Variants in JAKMIP1 observed in about 807,000 individuals in gnomAD.
JAKMIP1 encodes the protein janus kinase and microtubule interacting protein 1.
JAKMIP1 carries 33 observed loss-of-function variants against 113.0 expected under a neutral mutation model. The ratio of observed to expected loss-of-function variants is 0.29; its 90% confidence interval spans 0.22 to 0.39. JAKMIP1 has a LOEUF of 0.39. Among genes scored for constraint, JAKMIP1 ranks in the 10% least tolerant of loss-of-function variants. The pLI is 1.00. For synonymous variants in JAKMIP1, 480 were observed against 459.9 expected, an observed-to-expected ratio of 1.04 and a Z score of -0.56; for missense variants, 813 against 1,080.5, an observed-to-expected ratio of 0.75 and a Z score of 3.47.
rs1424384045 is a variant in JAKMIP1 at position 6,067,662 on chromosome 4, A to AC, written c.1303-2655dup. ...TCTTCTGCACACACACACACAGGTCACCCCCTGAGCTCCAGGTTCACTCAA... is the reference window on the plus strand; with the variant it reads ...TCTTCTGCACACACACACACAGGTCACCCCCCTGAGCTCCAGGTTCACTCAA... On this transcript the variant is annotated intron_variant, in intron 8 of 20. Coordinates refer to ENST00000409021, the MANE Select transcript of JAKMIP1 (RefSeq NM_001099433.2). The surrounding 1 kb of genome is among the most constrained non-coding windows in gnomAD (Gnocchi z 4.6). Among the ~76,000 whole-genome samples, 707 of 94,386 alleles carry AC rather than the reference A, an allele frequency of 7.5e-3. No individual in the cohort carries two copies. The highest frequency in any genetic ancestry group is 9.9e-3 in the African/African-American group (242 of 24,530). 61.9% of individuals were successfully genotyped at this position (94,386 alleles called of 152,430 possible). A position where few individuals can be genotyped will look rare whatever the true frequency, so the allele number is the denominator to read the frequency against.
Position 6,064,248 on chromosome 4 carries a change from T to C in JAKMIP1, c.1431+632A>G, listed in dbSNP as rs11943370. Among the ~76,000 whole-genome samples the C allele has an allele frequency of 0.18, 27,028 of 152,216 alleles. 3,407 individuals carry two copies. The highest frequency in any genetic ancestry group is 0.35 in the African/African-American group (14,681 of 41,506). On this transcript the variant is annotated intron_variant, in intron 9 of 20. Transcript: ENST00000409021. The surrounding 1 kb of genome is among the most constrained non-coding windows in gnomAD (Gnocchi z 4.3). The stretch of plus-strand genomic sequence containing the variant: ...CCCACAAGGTCTGCCTGAGATGTAA[T>C]CAGCACTCCTGAAAGAATTCACCTG...
intron 12 of JAKMIP1, chr4:6,054,627 G>A: frequency 2.5e-6 from 1 of 406,510 alleles, no homozygotes. Flanking sequence ...AGAGCTTGCA[G>A]AAGAAGCCGT....
rs1716903203 is a variant in JAKMIP1 at position 6,059,192 on chromosome 4, G to A, written c.1644+1232C>T. Among the ~76,000 whole-genome samples the A allele has an allele frequency of 6.6e-6, 1 of 152,160 alleles. No homozygotes were observed. Among genetic ancestry groups the A allele is most frequent in the African/African-American group, 2.4e-5 (1 of 41,444 alleles). ...TTTAGAGAAGCCATTCCAGAGGGCT[G>A]GGCACTCACATTCCCCCACGCAGTC... On this transcript the variant is annotated intron_variant, in intron 11 of 20. Transcript: ENST00000409021. The surrounding 1 kb of genome is among the most constrained non-coding windows in gnomAD (Gnocchi z 4.8).
chr4:6,122,135 A>G (rs184106631), intron 1 of JAKMIP1, among the ~76,000 whole-genome samples: 46 of 152,300 alleles, frequency 3.0e-4, no homozygotes, highest in Middle Eastern at 3.4e-3. Flanking sequence ...TCTTGATGTC[A>G]GAAGTTCAAG....
intron 2 of JAKMIP1, among the ~76,000 whole-genome samples, chr4:6,110,481 C>T (rs940261273): frequency 4.0e-5 from 6 of 151,264 alleles, no homozygotes; most frequent in African/African-American, 9.7e-5. Context: ...GGCAAGTCCC[C>T]GCCCTCTCCA....
In JAKMIP1 at chr4:6,102,722, C is replaced by CTTTTTTTTTT. The variant is rs1191358910; in HGVS notation, c.624+2741_624+2750dup. On this transcript the variant is annotated intron_variant, in intron 3 of 20. Transcript: ENST00000409021. ...TCCCTTTTTTCTCCCTCTCTAAAGA[C>CTTTTTTTTTT]TTTTTTTTTTTTTTTTTTTTTTTTT... Among the ~76,000 whole-genome samples the CTTTTTTTTTT allele has an allele frequency of 6.5e-4, 33 of 50,834 alleles. 4 individuals carry two copies. The highest frequency in any genetic ancestry group is 1.8e-3 in the African/African-American group (21 of 11,686). 33.3% of individuals were successfully genotyped at this position (50,834 alleles called of 152,430 possible).
At chr4:6,039,876 G>C (rs973994354) in intron 18 of JAKMIP1, among the ~76,000 whole-genome samples, 1 of 151,852 alleles carries the variant, frequency 6.6e-6, no homozygotes, top group African/African-American at 2.4e-5. Flanking sequence ...TTTTTTTTTA[G>C]TGATTGGCTC....
chr4:6,079,054 A>T, intron 7 of JAKMIP1, 56 bp from the exon 8 acceptor site: 4 of 1,588,470 alleles, frequency 2.5e-6, no homozygotes, highest in Non-Finnish European at 3.5e-6. Flanking sequence ...TCACAAACCA[A>T]AGCCACTGGC....
chr4:6,103,249 CATCT>C (rs1237042044), intron 3 of JAKMIP1, among the ~76,000 whole-genome samples: 2 of 152,272 alleles, frequency 1.3e-5, no homozygotes, highest in East Asian at 3.9e-4. Flanking sequence ...GATTTTTCTG[CATCT>C]ATTAAGATGA....
At position 6,048,843 on chromosome 4, in the gene JAKMIP1, C is replaced by T. The variant is rs988549034; in HGVS notation, c.2028+14G>A. 1.1e-5 allele frequency: 17 copies of T among 1,610,606 alleles called. No homozygotes were observed. Among genetic ancestry groups the T allele is most frequent in the Middle Eastern group, 1.6e-4 (1 of 6,074 alleles). On this transcript the variant is annotated intron_variant, in intron 16 of 20. Coordinates refer to ENST00000409021, the MANE Select transcript of JAKMIP1 (RefSeq NM_001099433.2). ...GGGACAAGGTGTGAGCACAGAAATG[C>T]CGCTGGCTTCTACCTTTTCACACAG...
At chr4:6,127,932 C>A (rs1717955803) in intron 1 of JAKMIP1, among the ~76,000 whole-genome samples, 1 of 152,258 alleles carries the variant, frequency 6.6e-6, no homozygotes, top group Non-Finnish European at 1.5e-5. Flanking sequence ...TTCCCGCACA[C>A]AGGAGCCCTT....
At chr4:6,113,551 A>T (rs576194359) in intron 1 of JAKMIP1, among the ~76,000 whole-genome samples, 1 of 152,320 alleles carries the variant, frequency 6.6e-6, no homozygotes, top group African/African-American at 2.4e-5. Flanking sequence ...GGTAGGTGAT[A>T]TCACCCAGTG....
intron 1 of JAKMIP1, among the ~76,000 whole-genome samples, chr4:6,113,585 C>A (rs999915969): frequency 6.6e-6 from 1 of 152,184 alleles, no homozygotes; most frequent in African/African-American, 2.4e-5. Flanking sequence ...AACTGAGACA[C>A]ACAGAGGTTG....
rs1722293819 is a variant in JAKMIP1 at position 6,156,867 on chromosome 4, T to C, written c.-148+43386A>G. On this transcript the variant is annotated intron_variant, in intron 1 of 20. Transcript: ENST00000409021. This position sits in a 1 kb window ranked among gnomAD's most constrained non-coding sequence, Gnocchi z 5.0. ...TGTTGGTCACGTTACAATTGTTCAGTAGACCCACACCCCATTGGCCAACAG... is the reference window on the plus strand; with the variant it reads ...TGTTGGTCACGTTACAATTGTTCAGCAGACCCACACCCCATTGGCCAACAG... Among the ~76,000 whole-genome samples the C allele has an allele frequency of 1.3e-5, 2 of 152,204 alleles. No individual in the cohort carries two copies. The highest frequency in any genetic ancestry group is 6.5e-5 in the Admixed American group (1 of 15,284).
intron 18 of JAKMIP1, among the ~76,000 whole-genome samples, chr4:6,037,234 G>C (rs1479530550): frequency 7.0e-6 from 1 of 143,044 alleles, no homozygotes; most frequent in African/African-American, 2.8e-5. Flanking sequence ...CCATCACTGA[G>C]GCAGAGGCTA....
In JAKMIP1 at chr4:6,026,266, A is replaced by G. The variant is rs1392701589; in HGVS notation, c.2458T>C (p.Phe820Leu). Residue 820 changes from phenylalanine (F) to leucine (L), a missense_variant, in exon 21 of 21, where the codon TTT becomes CTT. Around this residue, in one of 2 missense-constraint regions of JAKMIP1, gnomAD observed 273 missense variants for 426.6 expected, o/e 0.64. Transcript: ENST00000409021. ...KELEEKFLFL[F>L]LFFSLAFILW... ...ATGAATGCTAGTGAGAAAAACAAAA[A>G]AAGGAACAAAAACTATAAAATAATA... The G allele has an allele frequency of 2.0e-6, 3 of 1,483,334 alleles. No individual in the cohort carries two copies. In the Admixed American group the frequency reaches 6.0e-5, roughly 30 times the overall value. 91.9% of individuals were successfully genotyped at this position (1,483,334 alleles called of 1,614,324 possible). A position where few individuals can be genotyped will look rare whatever the true frequency, so the allele number is the denominator to read the frequency against.
intron 1 of JAKMIP1, among the ~76,000 whole-genome samples, chr4:6,191,239 G>C (rs375179672): frequency 8.1e-4 from 123 of 152,320 alleles, no homozygotes; most frequent in African/African-American, 2.8e-3. Context: ...CCAGACTCCA[G>C]ACAGCTCTAC....
At position 6,042,505 on chromosome 4, in the gene JAKMIP1, C is replaced by T. The variant is rs1173319491; in HGVS notation, c.2029-278G>A. 3.3e-5 allele frequency among the ~76,000 whole-genome samples: 5 copies of T among 151,936 alleles called. No individual in the cohort carries two copies. The highest frequency in any genetic ancestry group is 4.8e-5 in the African/African-American group (2 of 41,350). On this transcript the variant is annotated intron_variant, in intron 16 of 20. Coordinates refer to ENST00000409021, the MANE Select transcript of JAKMIP1 (RefSeq NM_001099433.2). This position sits in a 1 kb window ranked among gnomAD's most constrained non-coding sequence, Gnocchi z 5.2. ...GGATGGACCCGAGTGTGGGCGGCTGCGAGTGTGTGCAGCAGAGGAAGTGGT... is the reference window on the plus strand; with the variant it reads ...GGATGGACCCGAGTGTGGGCGGCTGTGAGTGTGTGCAGCAGAGGAAGTGGT...
chr4:6,199,695 G>T lies in JAKMIP1; in HGVS notation c.-148+558C>A, dbSNP rs972051006. Among the ~76,000 whole-genome samples the T allele has an allele frequency of 6.6e-6, 1 of 151,588 alleles. No individual in the cohort carries two copies. Among genetic ancestry groups the T allele is most frequent in the Admixed American group, 6.6e-5 (1 of 15,212 alleles). Reference sequence around the variant, plus strand: ...CGCGGCGGCGTGTGCCGTGCGTGGGGTGGGGTGCGGGCTGGGCGGCCTCGC... The same window carrying T: ...CGCGGCGGCGTGTGCCGTGCGTGGGTTGGGGTGCGGGCTGGGCGGCCTCGC... On this transcript the variant is annotated intron_variant, in intron 1 of 20. Coordinates refer to ENST00000409021, the MANE Select transcript of JAKMIP1 (RefSeq NM_001099433.2). This position sits in a 1 kb window ranked among gnomAD's most constrained non-coding sequence, Gnocchi z 5.6.
Sources: gnomAD v4.1 joint callset for allele counts (sites outside exome capture counted in the v4.1 genomes callset) on GRCh38, gnomAD v4.1.1 for gene constraint, gnomAD v4.1.1 regional missense constraint, Gnocchi (gnomAD v3.1) non-coding constraint, MANE v1.5 for transcripts, NCBI Gene and HGNC (gene_info 2026-07-23, HGNC 2026-07-21) for gene names.